Variants in NEGR1 observed in about 807,000 individuals in gnomAD.
NEGR1 encodes IgLON family member 4.
A neutral mutation model predicts 40.9 loss-of-function variants in NEGR1; 10 were observed. The observed-to-expected ratio is 0.24, with a 90% CI of 0.15 to 0.42. The LOEUF is 0.42. NEGR1 is among the 10% of genes least tolerant of loss of function. The pLI, the probability that NEGR1 is intolerant of heterozygous loss-of-function variation, is 1.00. For missense variants in NEGR1, 352 were observed against 438.9 expected, an observed-to-expected ratio of 0.80 and a Z score of 1.77; for synonymous variants, 185 against 166.8, an observed-to-expected ratio of 1.11 and a Z score of -0.84.
At chr1:72,267,809 T>C (rs1269960302) in intron 1 of NEGR1, among the ~76,000 whole-genome samples, 1 of 151,240 alleles carries the variant, frequency 6.6e-6, no homozygotes, top group Admixed American at 6.6e-5. Flanking sequence ...AAGCGTAGTA[T>C]AGTAGGAGAA....
At position 71,553,034 on chromosome 1, in the gene NEGR1, G is replaced by A. The variant is rs147865321; in HGVS notation, c.940+39783C>T. ...GTCTATTTCGTTCCACAGAAAAATT[G>A]AGTCAGGTTGTAAAAATGTTAAAAA... On this transcript the variant is annotated intron_variant, in intron 6 of 6. Coordinates refer to ENST00000357731, the MANE Select transcript of NEGR1 (RefSeq NM_173808.3). 2.2e-3 allele frequency among the ~76,000 whole-genome samples: 332 copies of A among 151,068 alleles called. 1 individual carries two copies. The highest frequency in any genetic ancestry group is 4.1e-3 in the Non-Finnish European group (278 of 67,622).
chr1:72,103,275 A>C (rs1649013235), intron 1 of NEGR1, among the ~76,000 whole-genome samples: 1 of 152,092 alleles, frequency 6.6e-6, no homozygotes, highest in African/African-American at 2.4e-5. Context: ...AAAGACTGTT[A>C]ATGAAGAACA....
intron 1 of NEGR1, among the ~76,000 whole-genome samples, chr1:72,114,409 A>G (rs1210523007): frequency 1.3e-5 from 2 of 151,718 alleles, no homozygotes; most frequent in Non-Finnish European, 3.0e-5. Flanking sequence ...CCACAATCAC[A>G]TGAGCCAATT....
intron 3 of NEGR1, among the ~76,000 whole-genome samples, chr1:71,766,188 A>AAAG (rs1553163898): frequency 1.3e-5 from 2 of 151,712 alleles, no homozygotes; most frequent in African/African-American, 4.8e-5. Flanking sequence ...AAAAAAAAAA[A>AAAG]AAGAAGAGAT....
intron 1 of NEGR1, among the ~76,000 whole-genome samples, chr1:72,058,108 C>A (rs958068767): frequency 2.0e-5 from 3 of 151,500 alleles, no homozygotes; most frequent in Non-Finnish European, 4.4e-5. Flanking sequence ...TCAAGTTCTG[C>A]AAATTACAGT....
chr1:71,591,988 T>C (rs1472169792), intron 6 of NEGR1, among the ~76,000 whole-genome samples: 1 of 152,100 alleles, frequency 6.6e-6, no homozygotes, highest in Non-Finnish European at 1.5e-5. Context: ...CCATAAAATA[T>C]TAACTCTAAG....
At chr1:71,504,252 A>G (rs933900507) in intron 6 of NEGR1, among the ~76,000 whole-genome samples, 1 of 152,086 alleles carries the variant, frequency 6.6e-6, no homozygotes, top group African/African-American at 2.4e-5. Flanking sequence ...GGATAAAATG[A>G]GAAACTGATG....
At chr1:71,907,245 C>A (rs1258048898) in intron 2 of NEGR1, among the ~76,000 whole-genome samples, 4 of 152,066 alleles carry the variant, frequency 2.6e-5, no homozygotes, top group Non-Finnish European at 5.9e-5. Context: ...TACTGTATTT[C>A]CATAGTGGTT....
intron 4 of NEGR1, among the ~76,000 whole-genome samples, chr1:71,669,307 T>G (rs1570175648): frequency 6.6e-6 from 1 of 152,056 alleles, no homozygotes. Flanking sequence ...TTAGAATATA[T>G]ATTCTATTTA....
chr1:72,198,465 A>T lies in NEGR1; in HGVS notation c.176+83854T>A, dbSNP rs138335088. Among the ~76,000 whole-genome samples, 1,047 of 152,054 alleles carry T rather than the reference A, an allele frequency of 6.9e-3. 9 individuals are homozygous for T. Among genetic ancestry groups the T allele is most frequent in the African/African-American group, 0.024 (981 of 41,508 alleles). The stretch of plus-strand genomic sequence containing the variant: ...GATAGGAAAACCATACTAGCCCTGG[A>T]TTACTAACCTCTGGAAGGTAATGTG... On this transcript the variant is annotated intron_variant, in intron 1 of 6. Coordinates refer to ENST00000357731, the MANE Select transcript of NEGR1 (RefSeq NM_173808.3).
At chr1:71,670,002 C>T (rs1256294042) in intron 4 of NEGR1, among the ~76,000 whole-genome samples, 1 of 152,066 alleles carries the variant, frequency 6.6e-6, no homozygotes, top group Non-Finnish European at 1.5e-5. Flanking sequence ...TTGGGATGGT[C>T]ATTATTTGTT....
chr1:71,649,047 C>T (rs1484477899), intron 4 of NEGR1, among the ~76,000 whole-genome samples: 1 of 151,882 alleles, frequency 6.6e-6, no homozygotes, highest in Non-Finnish European at 1.5e-5. Context: ...TGAATTTTAC[C>T]ATTCTCTGTA....
intron 2 of NEGR1, among the ~76,000 whole-genome samples, chr1:71,901,607 AC>A (rs987924567): frequency 1.1e-4 from 17 of 151,856 alleles, no homozygotes; most frequent in African/African-American, 4.1e-4. Flanking sequence ...CCACAATGTG[AC>A]ATTGTGATAC....
chr1:71,942,071 T>C (rs1041890300), intron 1 of NEGR1, among the ~76,000 whole-genome samples: 1 of 151,582 alleles, frequency 6.6e-6, no homozygotes, highest in African/African-American at 2.4e-5. Context: ...ATATTTTACT[T>C]CTTGTGTAAT....
chr1:71,980,978 G>C (rs545657073), intron 1 of NEGR1, among the ~76,000 whole-genome samples: 2 of 152,174 alleles, frequency 1.3e-5, no homozygotes, highest in Admixed American at 1.3e-4. Context: ...CTGAAATCCA[G>C]TTATGTTTCT....
chr1:72,123,093 T>A, intron 1 of NEGR1, among the ~76,000 whole-genome samples: 1 of 152,050 alleles, frequency 6.6e-6, no homozygotes. Flanking sequence ...TCAATCTCCA[T>A]GTGAAGTTTC....
At chr1:72,176,109 T>C (rs763794471) in intron 1 of NEGR1, among the ~76,000 whole-genome samples, 4 of 152,082 alleles carry the variant, frequency 2.6e-5, no homozygotes, top group Non-Finnish European at 5.9e-5. Context: ...TGGAAATTAA[T>C]AGGAAAGTTA....
intron 6 of NEGR1, among the ~76,000 whole-genome samples, chr1:71,490,746 AT>A (rs1214635077): frequency 6.6e-6 from 1 of 152,026 alleles, no homozygotes; most frequent in Non-Finnish European, 1.5e-5. Flanking sequence ...TCCTTTGGCC[AT>A]TGATGTATCT....
intron 1 of NEGR1, among the ~76,000 whole-genome samples, chr1:72,095,275 C>T (rs1246956958): frequency 6.6e-6 from 1 of 152,020 alleles, no homozygotes; most frequent in African/African-American, 2.4e-5. Context: ...ATGAATATTA[C>T]TTTGAAAATC....
Sources: allele counts gnomAD v4.1 joint callset (sites outside exome capture counted in the v4.1 genomes callset), GRCh38; gene constraint gnomAD v4.1.1; transcripts MANE v1.5; gene names NCBI Gene and HGNC (gene_info 2026-07-23, HGNC 2026-07-21).